Variants in PLIN3 observed in about 807,000 individuals in gnomAD.
PLIN3 encodes the protein perilipin 3, also known as perilipin-3.
Under a neutral mutation model 35.9 loss-of-function variants are expected in PLIN3, and 30 were observed. That is an observed-to-expected ratio of 0.84 (90% confidence interval 0.62 to 1.13). The LOEUF is 1.13. PLIN3 is among the 50% of genes most tolerant of loss of function. The probability of loss-of-function intolerance (pLI) is 0.00; values close to 1 mark genes in which losing one functional copy is unlikely to be tolerated. For synonymous variants in PLIN3, 261 were observed against 262.5 expected (o/e 0.99, Z 0.06); for missense variants, 603 against 596.9 (o/e 1.01, Z -0.11).
At chr19:4,844,829 T>C in intron 6 of PLIN3, 36 bp from the exon 7 acceptor site, 1 of 1,562,138 alleles carries the variant, frequency 6.4e-7, no homozygotes, top group Non-Finnish European at 8.7e-7. Flanking sequence ...GGAAGGAGGC[T>C]CCCCTGGGAG....
chr19:4,853,933 T>G (rs2030388978), intron 4 of PLIN3, among the ~76,000 whole-genome samples: 1 of 60,410 alleles, frequency 1.7e-5, no homozygotes, highest in South Asian at 4.2e-4. Flanking sequence ...ATCTAAGTCT[T>G]TTTTTTTTTT....
chr19:4,845,331 C>T (rs2030050282), intron 6 of PLIN3, among the ~76,000 whole-genome samples: 1 of 152,114 alleles, frequency 6.6e-6, no homozygotes, highest in African/African-American at 2.4e-5. Context: ...GAGGCTGAGG[C>T]ACGAGAATCG....
chr19:4,858,270 C>CAA (rs1188330437), intron 4 of PLIN3, among the ~76,000 whole-genome samples: 7,763 of 50,452 alleles, frequency 0.15, 878 homozygotes, highest in African/African-American at 0.21. Context: ...GACCCCGTCT[C>CAA]AAAAAAAAAA....
intron 4 of PLIN3, among the ~76,000 whole-genome samples, chr19:4,857,135 G>T (rs1015580557): frequency 5.9e-5 from 9 of 152,046 alleles, no homozygotes; most frequent in Non-Finnish European, 1.3e-4. Flanking sequence ...TCTTTAAAAA[G>T]CGGTGATTAA....
intron 5 of PLIN3, 36 bp downstream of exon 5, chr19:4,851,980 G>A (rs754133882): frequency 1.3e-6 from 2 of 1,591,362 alleles, no homozygotes; most frequent in Non-Finnish European, 1.7e-6. Flanking sequence ...GGGGGCCTGG[G>A]GAGGGGTCCC....
chr19:4,854,413 G>T (rs1055186753), intron 4 of PLIN3, among the ~76,000 whole-genome samples: 7 of 139,840 alleles, frequency 5.0e-5, no homozygotes, highest in African/African-American at 1.8e-4. Flanking sequence ...TTTTGTTTTT[G>T]TTTTTTTTTA....
chr19:4,840,289 G>A (rs765991839), intron 7 of PLIN3, among the ~76,000 whole-genome samples: 1 of 151,260 alleles, frequency 6.6e-6, no homozygotes, highest in African/African-American at 2.4e-5. Context: ...TTAGAAACAG[G>A]ATCTCACTTT....
At chr19:4,854,489 C>A (rs954761037) in intron 4 of PLIN3, among the ~76,000 whole-genome samples, 14 of 151,998 alleles carry the variant, frequency 9.2e-5, no homozygotes, top group African/African-American at 3.4e-4. Context: ...CCGCAACCTC[C>A]ACCTCCCAGG....
chr19:4,848,401 C>A (rs931870143), intron 5 of PLIN3, among the ~76,000 whole-genome samples: 5 of 152,202 alleles, frequency 3.3e-5, no homozygotes, highest in African/African-American at 1.2e-4. Context: ...TTAAACCTCA[C>A]AGGAATCAGA....
chr19:4,850,274 T>C (rs2030242159), intron 5 of PLIN3, among the ~76,000 whole-genome samples: 1 of 149,806 alleles, frequency 6.7e-6, no homozygotes, highest in South Asian at 2.1e-4. Flanking sequence ...GCTCCTACTG[T>C]ACCCATGCTT....
chr19:4,854,960 C>A (rs1352404637), intron 4 of PLIN3, among the ~76,000 whole-genome samples: 1 of 151,524 alleles, frequency 6.6e-6, no homozygotes. Flanking sequence ...ACAAAAAATA[C>A]AAAAATTGGC....
At chr19:4,861,264 G>A (rs1236864485) in intron 2 of PLIN3, 65 bp downstream of exon 2, 12 of 1,434,542 alleles carry the variant, frequency 8.4e-6, no homozygotes, top group East Asian at 2.3e-5. Context: ...GCACCCTGGG[G>A]TGGGAAGCCT....
Position 4,852,029 on chromosome 19 carries a change from C to T in PLIN3, c.621G>A (p.Thr207=), listed in dbSNP as rs759408719. The T allele has an allele frequency of 9.3e-6, 15 of 1,613,378 alleles. No homozygotes were observed. The highest frequency in any genetic ancestry group is 2.7e-5 in the African/African-American group (2 of 74,882). ...EEWADNHLPL[T]DAELARIATS... The stretch of plus-strand genomic sequence containing the variant: ...GGCCACACTTACCCAGTTCGGCATC[C>T]GTAAGGGGCAGGTGGTTGTCCGCCC... The change falls in exon 5 of 8, where the codon ACG becomes ACA. Residue 207 remains threonine (T), a synonymous_variant. Coordinates refer to ENST00000221957, the MANE Select transcript of PLIN3 (RefSeq NM_005817.5).
intron 4 of PLIN3, among the ~76,000 whole-genome samples, chr19:4,857,969 T>A (rs1392152607): frequency 3.2e-5 from 4 of 125,652 alleles, no homozygotes; most frequent in Non-Finnish European, 5.0e-5. Context: ...AGAGCGAAAC[T>A]CCATCTTAAA....
At chr19:4,844,602 G>C in intron 7 of PLIN3, 66 bp downstream of exon 7, 4 of 1,471,376 alleles carry the variant, frequency 2.7e-6, no homozygotes, top group South Asian at 1.4e-5. Context: ...CCATGAAGCA[G>C]AGGTGTAGAG....
chr19:4,849,475 A>G (rs957846424), intron 5 of PLIN3, among the ~76,000 whole-genome samples: 12 of 151,726 alleles, frequency 7.9e-5, no homozygotes, highest in African/African-American at 2.7e-4. Flanking sequence ...ACACCCAGCT[A>G]ATTTTTAAAT....
Position 4,860,102 on chromosome 19 carries a change from G to GT in PLIN3, c.67-79dup, listed in dbSNP as rs533693385. The GT allele has an allele frequency of 1.6e-3, 2,126 of 1,312,544 alleles. 6 individuals carry two copies. The highest frequency in any genetic ancestry group is 3.7e-3 in the Middle Eastern group (16 of 4,286). 81.3% of individuals were successfully genotyped at this position (1,312,544 alleles called of 1,614,324 possible). ...AGCCGGAAACTCAGGGTGCCCTGCA[G>GT]TTTTGCTCTTACTCCTGGCCAGTGA... is the stretch of plus-strand genomic sequence containing the variant. On this transcript the variant is annotated intron_variant, in intron 2 of 7. Transcript: ENST00000221957.
At chr19:4,863,742 C>T (rs1050079156) in intron 1 of PLIN3, among the ~76,000 whole-genome samples, 3 of 150,646 alleles carry the variant, frequency 2.0e-5, no homozygotes, top group African/African-American at 7.3e-5. Flanking sequence ...GCAGGAGAAT[C>T]GCTTGAACCC....
chr19:4,840,929 A>G (rs1599155850), intron 7 of PLIN3, among the ~76,000 whole-genome samples: 1 of 152,298 alleles, frequency 6.6e-6, no homozygotes, highest in South Asian at 2.1e-4. Context: ...TGGGCAACAG[A>G]GCGAGACTCT....
Sources: allele counts gnomAD v4.1 joint callset (sites outside exome capture counted in the v4.1 genomes callset), GRCh38; gene constraint gnomAD v4.1.1; transcripts MANE v1.5; gene names NCBI Gene and HGNC (gene_info 2026-07-23, HGNC 2026-07-21).